Variants in FLYWCH1 observed in about 807,000 individuals in gnomAD.
FLYWCH1 encodes FLYWCH-type zinc finger 1, also known as FLYWCH-type zinc finger-containing protein 1.
A neutral mutation model predicts 66.4 loss-of-function variants in FLYWCH1; 75 were observed. The observed-to-expected ratio is 1.13, with a 90% CI of 0.94 to 1.37. The LOEUF is 1.37. FLYWCH1 is among the 40% of genes most tolerant of loss of function. The pLI, the probability that FLYWCH1 is intolerant of heterozygous loss-of-function variation, is 0.00. For missense variants in FLYWCH1, 1,334 were observed against 1,001.8 expected, an observed-to-expected ratio of 1.33 and a Z score of -4.48; for synonymous variants, 595 against 429.9, an observed-to-expected ratio of 1.38 and a Z score of -4.75.
intron 9 of FLYWCH1, among the ~76,000 whole-genome samples, chr16:2,948,468 T>C (rs1346343900): frequency 6.6e-6 from 1 of 151,594 alleles, no homozygotes; most frequent in Non-Finnish European, 1.5e-5. Context: ...GAGGCTGAGG[T>C]GGGAGAATCA....
At chr16:2,926,568 C>A (rs2070574367) in intron 2 of FLYWCH1, among the ~76,000 whole-genome samples, 1 of 152,192 alleles carries the variant, frequency 6.6e-6, no homozygotes, top group African/African-American at 2.4e-5. Flanking sequence ...GAAAAAAATT[C>A]ATGGACCCAG....
At chr16:2,926,297 A>G (rs1015760858) in intron 2 of FLYWCH1, among the ~76,000 whole-genome samples, 43 of 152,366 alleles carry the variant, frequency 2.8e-4, no homozygotes, top group Middle Eastern at 3.4e-3. Flanking sequence ...CAAATAGGGA[A>G]GGTAAAATCA....
At chr16:2,935,546 G>A (rs992176704) in intron 6 of FLYWCH1, 6 of 152,158 alleles carry the variant, frequency 3.9e-5, no homozygotes, top group African/African-American at 1.4e-4. Flanking sequence ...GAGAAGTCCT[G>A]CCTCCCGTCG....
chr16:2,939,380 T>C (rs985813478), intron 8 of FLYWCH1, among the ~76,000 whole-genome samples: 77 of 152,102 alleles, frequency 5.1e-4, no homozygotes, highest in Admixed American at 3.4e-3. Flanking sequence ...CACTTGAACC[T>C]GGGAGGCGGA....
intron 9 of FLYWCH1, among the ~76,000 whole-genome samples, chr16:2,944,787 C>T (rs1442492186): frequency 6.6e-6 from 1 of 151,320 alleles, no homozygotes; most frequent in Non-Finnish European, 1.5e-5. Context: ...GTGCCACTGC[C>T]CTCCAGCCTG....
Position 2,933,399 on chromosome 16 carries a change from G to A in FLYWCH1, c.1066G>A (p.Asp356Asn), listed in dbSNP as rs547634434. The change falls in exon 5 of 10, where the codon GAC becomes AAC. Residue 356 changes from aspartate to asparagine, a missense_variant. Physicochemically the swap from Asp to Asn is conservative, Grantham distance 23 (BLOSUM62 1). Coordinates refer to ENST00000253928, the MANE Select transcript of FLYWCH1 (RefSeq NM_001308068.2). ...KAVETLQAGQ[D>N]GPGSQVDTLL... The stretch of plus-strand genomic sequence containing the variant: ...CGTGGAGACGCTGCAGGCTGGGCAG[G>A]ACGGCCCTGGGAGCCAAGTGGACAC... 2 of 1,601,754 alleles carry A rather than the reference G, an allele frequency of 1.2e-6. No homozygotes were observed. Among genetic ancestry groups the A allele is most frequent in the East Asian group, 2.3e-5 (1 of 44,228 alleles).
chr16:2,915,566 CT>C (rs1427615655), intron 2 of FLYWCH1: 3 of 152,134 alleles, frequency 2.0e-5, no homozygotes, highest in African/African-American at 7.2e-5. Context: ...GTTTTTGAAA[CT>C]GCTTAGTCAT....
intron 1 of FLYWCH1, among the ~76,000 whole-genome samples, chr16:2,912,622 G>A (rs1044615316): frequency 6.6e-6 from 1 of 152,190 alleles, no homozygotes; most frequent in Non-Finnish European, 1.5e-5. Flanking sequence ...TGTACTCTGT[G>A]CCTGTGGGTC....
In FLYWCH1 at chr16:2,930,576, G is replaced by A. The variant is rs763929145; in HGVS notation, c.492G>A (p.Leu164=). The change falls in exon 4 of 10, where the codon CTG becomes CTA. Residue 164 remains leucine, a synonymous_variant. Coordinates refer to ENST00000253928, the MANE Select transcript of FLYWCH1 (RefSeq NM_001308068.2). ...GGGGCCGGGCCATCACCCGAGGCCT[G>A]CGGGCCACAGTGATGCGGGGCCACT... ...GCRGRAITRG[L]RATVMRGHCH... 3 of 1,556,600 alleles carry A rather than the reference G, an allele frequency of 1.9e-6. No homozygotes were observed. The highest frequency in any genetic ancestry group is 2.4e-5 in the East Asian group (1 of 41,516).
At chr16:2,931,026 C>G (rs567743569) in intron 4 of FLYWCH1, 146 bp downstream of exon 4, 9 of 721,586 alleles carry the variant, frequency 1.2e-5, no homozygotes, top group Non-Finnish European at 1.8e-5. Flanking sequence ...TAAATGTGGC[C>G]GGGCACAGTG....
Position 2,933,371 on chromosome 16 carries a change from G to T in FLYWCH1, c.1038G>T (p.Lys346Asn), listed in dbSNP as rs1406729208. The T allele has an allele frequency of 2.5e-6, 4 of 1,602,930 alleles. No individual in the cohort carries two copies. In the South Asian group the frequency reaches 3.4e-5, roughly 13 times the overall value. ...EGLEARRQQE[K>N]AVETLQAGQD... ...TGGAAGCCCGGCGGCAGCAGGAGAA[G>T]GCCGTGGAGACGCTGCAGGCTGGGC... Residue 346 changes from lysine (K) to asparagine (N), a missense_variant, in exon 5 of 10, where the codon AAG becomes AAT. Coordinates refer to ENST00000253928, the MANE Select transcript of FLYWCH1 (RefSeq NM_001308068.2).
At position 2,938,228 on chromosome 16, in the gene FLYWCH1, A is replaced by G. The variant is rs1283527228; in HGVS notation, c.1822A>G (p.Arg608Gly). ...GTTCCTGAGGACTTCCCTGGGGGGC[A>G]GGTTCCTGGTGCACGAGTCCTTCCT... ...LEFLRTSLGGRFLVHESFLYR... is the reference protein window; with the variant it reads ...LEFLRTSLGGGFLVHESFLYR... Residue 608 changes from arginine (R) to glycine (G), a missense_variant, in exon 8 of 10, where the codon AGG (arginine) becomes GGG (glycine). Transcript: ENST00000253928. 2.5e-6 allele frequency: 4 copies of G among 1,613,012 alleles called. No individual in the cohort carries two copies. Among genetic ancestry groups the G allele is most frequent in the Non-Finnish European group, 3.4e-6 (4 of 1,179,596 alleles).
At chr16:2,917,070 C>T (rs1027969643) in intron 2 of FLYWCH1, among the ~76,000 whole-genome samples, 8 of 150,084 alleles carry the variant, frequency 5.3e-5, no homozygotes, top group East Asian at 4.1e-4. Flanking sequence ...GCAGGAGAAT[C>T]GCTTGAAACC....
chr16:2,935,016 C>G lies in FLYWCH1; in HGVS notation c.1513+1037C>G, dbSNP rs142617958. ...TTGGCTCACTGCAACCTCCGCCTCC[C>G]GGGTTCAAGCAATTCTCCTGCCTCA... On this transcript the variant is annotated intron_variant, in intron 6 of 9. Coordinates refer to ENST00000253928, the MANE Select transcript of FLYWCH1 (RefSeq NM_001308068.2). 159 of 155,692 alleles carry G rather than the reference C, an allele frequency of 1.0e-3. 4 individuals are homozygous for G. In the East Asian group the frequency reaches 0.028, roughly 27 times the overall value. The allele number at this position is 155,692 out of a possible 1,614,324, so 9.6% of individuals were successfully genotyped here.
chr16:2,919,017 G>A (rs566889530), intron 2 of FLYWCH1, among the ~76,000 whole-genome samples: 31 of 151,696 alleles, frequency 2.0e-4, no homozygotes, highest in African/African-American at 5.8e-4. Context: ...GCATGATCTC[G>A]GCTCACTGCA....
chr16:2,923,563 A>C (rs62032309), intron 2 of FLYWCH1, among the ~76,000 whole-genome samples: 80,573 of 151,426 alleles, frequency 0.53, 21,510 homozygotes, highest in African/African-American at 0.57. Context: ...ATGTTTTAAA[A>C]TGCATACTTC....
intron 2 of FLYWCH1, among the ~76,000 whole-genome samples, chr16:2,929,350 T>G (rs1197936838): frequency 6.6e-6 from 1 of 152,154 alleles, no homozygotes; most frequent in African/African-American, 2.4e-5. Flanking sequence ...TCTTAGTCCA[T>G]TAGTCACTCT....
intron 6 of FLYWCH1, chr16:2,936,712 G>C (rs1290415474): frequency 2.1e-6 from 1 of 471,726 alleles, no homozygotes; most frequent in South Asian, 1.5e-5. Context: ...GCTCTCGGGG[G>C]CCACCCCTCT....
intron 2 of FLYWCH1, among the ~76,000 whole-genome samples, chr16:2,923,984 C>T (rs1018362173): frequency 2.6e-5 from 4 of 152,094 alleles, no homozygotes; most frequent in Non-Finnish European, 5.9e-5. Flanking sequence ...TTGCATTGAG[C>T]TGAGATCGTG....
Sources: allele counts gnomAD v4.1 joint callset (sites outside exome capture counted in the v4.1 genomes callset), GRCh38; gene constraint gnomAD v4.1.1; transcripts MANE v1.5; gene names NCBI Gene and HGNC (gene_info 2026-07-23, HGNC 2026-07-21).